Variants in GPHN observed in about 807,000 individuals in gnomAD.
The protein encoded by GPHN is gephyrin.
In GPHN, 17 loss-of-function variants were observed where a neutral mutation model predicts 95.5. That is an observed-to-expected ratio of 0.18 (90% CI 0.12 to 0.27). The LOEUF (loss-of-function observed/expected upper bound fraction) is 0.27. GPHN is among the 10% of genes least tolerant of loss of function. The probability of loss-of-function intolerance (pLI) is 1.00; values close to 1 mark genes in which losing one functional copy is unlikely to be tolerated. For synonymous variants in GPHN, 320 were observed against 322.5 expected (o/e 0.99, Z 0.08); for missense variants, 660 against 978.1 (o/e 0.67, Z 4.34).
chr14:67,132,669 G>T (rs561871134), intron 17 of GPHN, among the ~76,000 whole-genome samples: 1 of 151,770 alleles, frequency 6.6e-6, no homozygotes, highest in Non-Finnish European at 1.5e-5. Context: ...ATCTTTAAGC[G>T]TTGCTATTGC....
intron 10 of GPHN, among the ~76,000 whole-genome samples, chr14:67,049,421 G>T (rs1198581014): frequency 6.6e-6 from 1 of 151,496 alleles, no homozygotes; most frequent in Non-Finnish European, 1.5e-5. Context: ...GTAGAGACGG[G>T]GTTTCACCGT....
chr14:67,731,785 G>A, the GPHN span, among the ~76,000 whole-genome samples: 1 of 152,054 alleles, frequency 6.6e-6, no homozygotes, highest in Admixed American at 6.6e-5. Context: ...GAGCCAAGCA[G>A]AGTGTGAAGG....
chr14:66,677,697 A>G (rs1253464386), intron 1 of GPHN, among the ~76,000 whole-genome samples: 1 of 151,872 alleles, frequency 6.6e-6, no homozygotes, highest in East Asian at 1.9e-4. Flanking sequence ...TTGTGGCCTA[A>G]CATGTGGTCT....
the GPHN span, among the ~76,000 whole-genome samples, chr14:67,389,293 C>A: frequency 6.6e-6 from 1 of 151,922 alleles, no homozygotes; most frequent in Non-Finnish European, 1.5e-5. Context: ...AGGGATCCGC[C>A]CCAGCCTGGA....
intron 16 of GPHN, among the ~76,000 whole-genome samples, chr14:67,115,531 G>A (rs1325639753): frequency 3.9e-5 from 6 of 152,050 alleles, no homozygotes; most frequent in Non-Finnish European, 4.4e-5. Context: ...TCAGGAGTTC[G>A]AGACCAGACT....
At chr14:66,579,713 T>A (rs541123793) in intron 1 of GPHN, among the ~76,000 whole-genome samples, 1 of 151,768 alleles carries the variant, frequency 6.6e-6, no homozygotes, top group Non-Finnish European at 1.5e-5. Flanking sequence ...AAGCAAATAT[T>A]AATAGATCTG....
At chr14:67,659,237 T>C in the GPHN span, among the ~76,000 whole-genome samples, 3 of 152,192 alleles carry the variant, frequency 2.0e-5, no homozygotes, top group Admixed American at 6.5e-5. Context: ...GGCTACTGTA[T>C]CTCAGTTGCT....
chr14:66,533,358 T>C (rs2059017964), intron 1 of GPHN, among the ~76,000 whole-genome samples: 1 of 152,224 alleles, frequency 6.6e-6, no homozygotes, highest in African/African-American at 2.4e-5. Context: ...GTTGCCACCA[T>C]TGATTTCCAG....
chr14:67,214,487 G>A, the GPHN span, among the ~76,000 whole-genome samples: 331 of 152,202 alleles, frequency 2.2e-3, no homozygotes, highest in African/African-American at 7.2e-3. Context: ...GACGTGCGGC[G>A]TTATTTCTGA....
the GPHN span, chr14:67,573,903 G>C: frequency 1.3e-6 from 2 of 1,583,306 alleles, no homozygotes; most frequent in Non-Finnish European, 8.7e-7. The surrounding 1 kb of genome is among the most constrained non-coding windows in gnomAD (Gnocchi z 4.8). Context: ...CACGCTCCTG[G>C]CTGCTAGTAT....
At chr14:66,883,429 T>G (rs2064026396) in intron 5 of GPHN, among the ~76,000 whole-genome samples, 1 of 152,046 alleles carries the variant, frequency 6.6e-6, no homozygotes, top group African/African-American at 2.4e-5. Context: ...AGTATTGCCC[T>G]TTATGTCATG....
intron 9 of GPHN, among the ~76,000 whole-genome samples, chr14:67,010,729 T>A (rs1183303673): frequency 6.6e-6 from 1 of 152,048 alleles, no homozygotes; most frequent in African/African-American, 2.4e-5. Flanking sequence ...TCTGCAGAGT[T>A]TGATACAATT....
the GPHN span, among the ~76,000 whole-genome samples, chr14:67,630,855 T>C: frequency 6.6e-6 from 1 of 152,216 alleles, no homozygotes; most frequent in African/African-American, 2.4e-5. Flanking sequence ...AGTGCTGGGA[T>C]TACAGGTGTG....
chr14:66,626,392 A>G (rs1486003244), intron 1 of GPHN, among the ~76,000 whole-genome samples: 1 of 152,148 alleles, frequency 6.6e-6, no homozygotes, highest in Non-Finnish European at 1.5e-5. Context: ...CATTCATTTA[A>G]GTAATTGGAT....
At chr14:67,646,854 C>A in the GPHN span, 2 of 1,381,948 alleles carry the variant, frequency 1.4e-6, no homozygotes, top group Non-Finnish European at 2.1e-6. Context: ...CCACCCTCTC[C>A]CCCAAATACA....
intron 1 of GPHN, among the ~76,000 whole-genome samples, chr14:66,663,112 A>G (rs1022458486): frequency 1.7e-4 from 26 of 152,208 alleles, no homozygotes; most frequent in African/African-American, 5.6e-4. Context: ...ATTCGATTTC[A>G]GGAAATGGGA....
At chr14:67,726,017 C>T in the GPHN span, 4 of 1,474,436 alleles carry the variant, frequency 2.7e-6, no homozygotes, top group Non-Finnish European at 3.8e-6. Flanking sequence ...GGACTCCTTG[C>T]TAACCATAGG....
At chr14:67,691,310 C>G in the GPHN span, 2 of 1,069,478 alleles carry the variant, frequency 1.9e-6, no homozygotes, top group Middle Eastern at 2.0e-4. Context: ...AGAAAGCTGC[C>G]TCACGCTCAG....
chr14:67,148,268 C>G (rs751738435), intron 18 of GPHN, among the ~76,000 whole-genome samples: 2 of 152,174 alleles, frequency 1.3e-5, no homozygotes, highest in Non-Finnish European at 2.9e-5. Flanking sequence ...AATAACCTTT[C>G]TTATTGTAGG....
Sources: allele counts gnomAD v4.1 joint callset (sites outside exome capture counted in the v4.1 genomes callset), GRCh38; gene constraint gnomAD v4.1.1; non-coding constraint Gnocchi (gnomAD v3.1); transcripts MANE v1.5; gene names NCBI Gene and HGNC (gene_info 2026-07-23, HGNC 2026-07-21).